The following NME7 variants were observed in gnomAD, a reference collection of about 807,000 sequenced individuals.
The protein encoded by NME7 is nucleoside diphosphate kinase 7.
NME7 carries 41 observed loss-of-function variants against 49.1 expected under a neutral mutation model. The observed-to-expected ratio is 0.83, with a 90% CI of 0.65 to 1.08. The LOEUF is 1.08. Among genes scored for constraint, NME7 ranks in the 50% least tolerant of loss-of-function variants. The pLI is 0.00. For missense variants in NME7, 423 were observed against 463.4 expected (o/e 0.91, Z 0.80); for synonymous variants, 139 against 150.6 (o/e 0.92, Z 0.56).
chr1:169,214,715 T>C (rs1660927167), intron 10 of NME7, among the ~76,000 whole-genome samples: 1 of 152,210 alleles, frequency 6.6e-6, no homozygotes, highest in South Asian at 2.1e-4. Flanking sequence ...CAGCCTGCCA[T>C]GCTCAATGCC....
chr1:169,161,374 A>T (rs764349300), intron 11 of NME7, among the ~76,000 whole-genome samples: 47 of 152,222 alleles, frequency 3.1e-4, no homozygotes, highest in Admixed American at 6.5e-4. Flanking sequence ...AAGATAAATT[A>T]TGAGTGTCAG....
intron 11 of NME7, among the ~76,000 whole-genome samples, chr1:169,142,821 AT>A (rs1343604570): frequency 6.6e-6 from 1 of 152,202 alleles, no homozygotes; most frequent in Non-Finnish European, 1.5e-5. Flanking sequence ...GAAAATGCTC[AT>A]TCTCGCATGG....
chr1:169,363,089 A>AT (rs71557663), intron 1 of NME7, among the ~76,000 whole-genome samples: 1 of 151,138 alleles, frequency 6.6e-6, no homozygotes, highest in Non-Finnish European at 1.5e-5. Flanking sequence ...AAAAAAAAAA[A>AT]TTAGCTGGGC....
rs1216384536 is a variant in NME7, at chr1:169,270,951, C to T, written c.754+16352G>A. Reference sequence around the variant, plus strand: ...TAATAACTATAACCTATAAACAATACTGAGAACATAATAAACACATTGCAT... The same window carrying T: ...TAATAACTATAACCTATAAACAATATTGAGAACATAATAAACACATTGCAT... On this transcript the variant is annotated intron_variant, in intron 7 of 11. Coordinates refer to ENST00000367811, the MANE Select transcript of NME7 (RefSeq NM_013330.5). 5.2e-5 allele frequency among the ~76,000 whole-genome samples: 7 copies of T among 133,742 alleles called. 2 individuals are homozygous for T. The highest frequency in any genetic ancestry group is 1.2e-4 in the Non-Finnish European group (7 of 56,842). 87.7% of individuals were successfully genotyped at this position (133,742 alleles called of 152,430 possible).
intron 6 of NME7, among the ~76,000 whole-genome samples, chr1:169,294,252 A>C (rs897945557): frequency 2.0e-5 from 3 of 152,180 alleles, no homozygotes; most frequent in African/African-American, 7.2e-5. Flanking sequence ...AAAAGCAGTA[A>C]ACCAAGAAAA....
intron 1 of NME7, 105 bp downstream of exon 1, chr1:169,367,603 A>T: frequency 8.0e-7 from 1 of 1,246,884 alleles, no homozygotes; most frequent in South Asian, 1.2e-5. Context: ...AACGGGGAGA[A>T]GGTCGGGAGG....
chr1:169,209,860 G>A (rs982612843), intron 10 of NME7, among the ~76,000 whole-genome samples: 10 of 151,984 alleles, frequency 6.6e-5, no homozygotes, highest in Non-Finnish European at 1.0e-4. Flanking sequence ...CCCAGATTTA[G>A]GGCCTCTACA....
intron 1 of NME7, among the ~76,000 whole-genome samples, chr1:169,333,586 C>G (rs987814188): frequency 1.3e-5 from 2 of 151,832 alleles, no homozygotes; most frequent in African/African-American, 4.8e-5. Context: ...ATGCCTGTAT[C>G]AAACTATCTC....
intron 7 of NME7, among the ~76,000 whole-genome samples, chr1:169,279,605 C>T (rs1003492749): frequency 3.9e-5 from 6 of 152,216 alleles, no homozygotes; most frequent in Admixed American, 2.0e-4. Context: ...CTTTCCTTGA[C>T]CAGGAAAGGG....
chr1:169,253,999 A>T (rs939843168), intron 7 of NME7, among the ~76,000 whole-genome samples: 2 of 151,468 alleles, frequency 1.3e-5, no homozygotes, highest in Admixed American at 1.3e-4. Flanking sequence ...ATCAATGTTC[A>T]TCAACGATAT....
At chr1:169,202,339 A>G (rs938465258) in intron 10 of NME7, among the ~76,000 whole-genome samples, 4 of 151,540 alleles carry the variant, frequency 2.6e-5, no homozygotes, top group Admixed American at 6.6e-5. Flanking sequence ...AGTGTATGGC[A>G]CCCCCCTCCC....
At chr1:169,145,026 T>G (rs879571184) in intron 11 of NME7, among the ~76,000 whole-genome samples, 33 of 152,208 alleles carry the variant, frequency 2.2e-4, no homozygotes, top group Non-Finnish European at 4.6e-4. Context: ...AGCTATGCTG[T>G]GTGCTACTAT....
intron 10 of NME7, among the ~76,000 whole-genome samples, chr1:169,225,680 A>C (rs1400675970): frequency 6.6e-6 from 1 of 152,190 alleles, no homozygotes; most frequent in African/African-American, 2.4e-5. Context: ...TGCAAGTCTA[A>C]TATTTCCCCC....
chr1:169,163,720 G>A (rs1407360821), intron 11 of NME7, among the ~76,000 whole-genome samples: 1 of 152,118 alleles, frequency 6.6e-6, no homozygotes, highest in Non-Finnish European at 1.5e-5. Context: ...GGATTCAGAA[G>A]TATGCACATA....
At chr1:169,232,021 G>C (rs1420100699) in intron 9 of NME7, among the ~76,000 whole-genome samples, 1 of 151,992 alleles carries the variant, frequency 6.6e-6, no homozygotes, top group Non-Finnish European at 1.5e-5. Flanking sequence ...AATAGACCCA[G>C]CAATTAAATA....
intron 1 of NME7, among the ~76,000 whole-genome samples, chr1:169,339,714 G>A (rs1401566622): frequency 6.6e-6 from 1 of 152,116 alleles, no homozygotes; most frequent in Non-Finnish European, 1.5e-5. Flanking sequence ...CCTTCACTCT[G>A]CTCTTCTCCA....
In NME7 at chr1:169,235,118, C is replaced by A; in HGVS notation, c.888+13G>T. On this transcript the variant is annotated intron_variant, in intron 9 of 11. Coordinates refer to ENST00000367811, the MANE Select transcript of NME7 (RefSeq NM_013330.5). ...TAACAGTACAAATGTTTTACATTTACTTTTATACTTACATGATATTCGGTC... is the reference window on the plus strand; with the variant it reads ...TAACAGTACAAATGTTTTACATTTAATTTTATACTTACATGATATTCGGTC... 7.0e-7 allele frequency: 1 copy of A among 1,429,902 alleles called. No homozygotes were observed. Among genetic ancestry groups the A allele is most frequent in the Admixed American group, 1.9e-5 (1 of 52,722 alleles). 88.6% of individuals were successfully genotyped at this position (1,429,902 alleles called of 1,614,324 possible).
At position 169,275,374 on chromosome 1, in the gene NME7, G is replaced by A. The variant is rs1649663884; in HGVS notation, c.754+11929C>T. On this transcript the variant is annotated intron_variant, in intron 7 of 11. Transcript: ENST00000367811. ...CGTGCCTGTAGTCCCAGCTACACAG[G>A]AGGCTGAGGCAGGAGAATGGCGTGA... 1.6e-5 allele frequency among the ~76,000 whole-genome samples: 2 copies of A among 126,346 alleles called. 1 individual carries two copies. The highest frequency in any genetic ancestry group is 3.7e-5 in the Non-Finnish European group (2 of 54,232). The allele number at this position is 126,346 out of a possible 152,430, so 82.9% of individuals were successfully genotyped here. A position where few individuals can be genotyped will look rare whatever the true frequency, so the allele number is the denominator to read the frequency against.
At chr1:169,338,643 A>G (rs1193274740) in intron 1 of NME7, among the ~76,000 whole-genome samples, 1 of 152,200 alleles carries the variant, frequency 6.6e-6, no homozygotes, top group Admixed American at 6.5e-5. Context: ...CACACCATCT[A>G]TCAAGGGAAA....
Sources: gnomAD v4.1 joint callset for allele counts (sites outside exome capture counted in the v4.1 genomes callset) on GRCh38, gnomAD v4.1.1 for gene constraint, MANE v1.5 for transcripts, NCBI Gene and HGNC (gene_info 2026-07-23, HGNC 2026-07-21) for gene names.